The following HEG1 variants were observed in gnomAD, a reference collection of about 807,000 sequenced individuals.
HEG1 encodes the protein heart development protein with EGF like domains 1, also known as protein HEG homolog 1.
In HEG1, 56 loss-of-function variants were observed where a neutral mutation model predicts 125.6. The ratio of observed to expected loss-of-function variants is 0.45; its 90% confidence interval spans 0.36 to 0.56. The LOEUF (loss-of-function observed/expected upper bound fraction) is 0.56. Ranked by LOEUF, HEG1 falls within the 20% of genes least tolerant of loss-of-function variation. The pLI is 0.00. For synonymous variants in HEG1, 644 were observed against 668.5 expected (o/e 0.96, Z 0.57); for missense variants, 1,523 against 1,670.0 (o/e 0.91, Z 1.53).
chr3:125,009,972 G>A, intron 7 of HEG1, 148 bp from the exon 8 acceptor site: 1 of 759,144 alleles, frequency 1.3e-6, no homozygotes, highest in Admixed American at 3.4e-5. Context: ...TGCCCTCAAG[G>A]GGCTTGCCAT....
Position 125,020,920 on chromosome 3 carries a change from G to A in HEG1, c.1124C>T (p.Ser375Leu), listed in dbSNP as rs1937325393. 1 of 1,614,038 alleles carries A rather than the reference G, an allele frequency of 6.2e-7. No homozygotes were observed. The highest frequency in any genetic ancestry group is 8.5e-7 in the Non-Finnish European group (1 of 1,179,894). The change falls in exon 4 of 17, where the codon TCA becomes TTA. Residue 375 changes from serine to leucine, a missense_variant. Ser to Leu is a moderately radical substitution (Grantham distance 145, BLOSUM62 -2). Coordinates refer to ENST00000311127, the MANE Select transcript of HEG1 (RefSeq NM_020733.2). ...IATTSSSVLL[S>L]PSAVESRRNS... is the part of the protein sequence containing the mutation. ...TCTTCTCGATTCCACTGCAGAGGGT[G>A]AAAGAAGGACTGAGGATGAAGTCGT...
Position 124,977,841 on chromosome 3 carries a change from T to G in HEG1, c.3821+18A>C, listed in dbSNP as rs1339356143. The G allele has an allele frequency of 6.5e-7, 1 of 1,528,548 alleles. No homozygotes were observed. 94.7% of individuals were successfully genotyped at this position (1,528,548 alleles called of 1,614,324 possible). On this transcript the variant is annotated intron_variant, in intron 15 of 16. Coordinates refer to ENST00000311127, the MANE Select transcript of HEG1 (RefSeq NM_020733.2). ...CAGGCAAAGGAACGGGATTGGAACC[T>G]GAACTCTCATCACTTACCTGCAACA...
chr3:124,999,358 G>T (rs912313595), intron 11 of HEG1, among the ~76,000 whole-genome samples: 8 of 152,224 alleles, frequency 5.3e-5, no homozygotes, highest in African/African-American at 1.7e-4. Context: ...CACCAGGGAG[G>T]TAATGAACTT....
intron 8 of HEG1, among the ~76,000 whole-genome samples, chr3:125,008,981 C>A (rs1937112701): frequency 6.6e-6 from 1 of 152,222 alleles, no homozygotes; most frequent in African/African-American, 2.4e-5. Flanking sequence ...ACCAGGCTTC[C>A]CACCAACCCG....
intron 1 of HEG1, among the ~76,000 whole-genome samples, chr3:125,044,918 A>G (rs1040607116): frequency 6.6e-6 from 1 of 152,172 alleles, no homozygotes; most frequent in Non-Finnish European, 1.5e-5. Context: ...TCACTGTCCA[A>G]ATGGAATTCA....
At chr3:124,978,442 C>T (rs555308446) in intron 14 of HEG1, among the ~76,000 whole-genome samples, 27 of 152,274 alleles carry the variant, frequency 1.8e-4, no homozygotes, top group South Asian at 4.1e-4. Flanking sequence ...CCACCGCGCC[C>T]GGCCGAAAAG....
In HEG1 at chr3:125,055,769, G is replaced by A. The variant is rs1014301796; in HGVS notation, c.122C>T (p.Ala41Val). Residue 41 changes from alanine (A) to valine (V), a missense_variant, in exon 1 of 17, where the codon GCG (alanine) becomes GTG (valine). Ala to Val is a moderately conservative substitution (Grantham distance 64). Coordinates refer to ENST00000311127, the MANE Select transcript of HEG1 (RefSeq NM_020733.2). ...TCCCGCGAGGGGCGCCAGGCTCAGC[G>A]CGCGGCGAGCCGGGGAAGGCGGCGG... is the stretch of plus-strand genomic sequence containing the variant. ...RDPPPSPARRALSLAPLAGAG... is the reference protein window; with the variant it reads ...RDPPPSPARRVLSLAPLAGAG... The A allele has an allele frequency of 3.7e-5, 37 of 999,872 alleles. No homozygotes were observed. The African/African-American group carries it at 6.3e-4, about 17-fold the overall frequency. 61.9% of individuals were successfully genotyped at this position (999,872 alleles called of 1,614,324 possible).
At chr3:124,991,761 G>A (rs539336366) in intron 12 of HEG1, among the ~76,000 whole-genome samples, 192 of 152,266 alleles carry the variant, frequency 1.3e-3, no homozygotes, top group African/African-American at 4.3e-3. Flanking sequence ...ACAGGGGCCC[G>A]CCACAAAGCC....
At position 124,981,115 on chromosome 3, in the gene HEG1, A is replaced by C. The variant is rs529452011; in HGVS notation, c.3734-3169T>G. Among the ~76,000 whole-genome samples, 5 of 152,262 alleles carry C rather than the reference A, an allele frequency of 3.3e-5. No homozygotes were observed. The South Asian group carries it at 1.0e-3, about 32-fold the overall frequency. ...TGGCCTCCCAAAGTGCTGGGATTAC[A>C]GGTGTGAGCCACTGCGCCCAACCTG... On this transcript the variant is annotated intron_variant, in intron 14 of 16. Coordinates refer to ENST00000311127, the MANE Select transcript of HEG1 (RefSeq NM_020733.2).
At chr3:124,984,311 C>G (rs1560016673) in intron 14 of HEG1, among the ~76,000 whole-genome samples, 2 of 152,106 alleles carry the variant, frequency 1.3e-5, no homozygotes, top group Admixed American at 6.6e-5. Flanking sequence ...GGGGTCTCCT[C>G]TGAAGAGGTG....
At chr3:125,002,396 T>C (rs1417999786) in intron 9 of HEG1, 81 bp from the exon 10 acceptor site, 5 of 1,256,500 alleles carry the variant, frequency 4.0e-6, no homozygotes, top group East Asian at 2.3e-5. Flanking sequence ...ATTTTCAGGA[T>C]AAAACAGGCA....
At chr3:125,021,262 A>G in intron 3 of HEG1, 132 bp from the exon 4 acceptor site, 1 of 671,982 alleles carries the variant, frequency 1.5e-6, no homozygotes. Context: ...TATAGATACA[A>G]ACATATCTAT....
intron 5 of HEG1, chr3:125,014,861 G>T: frequency 7.8e-7 from 1 of 1,289,876 alleles, no homozygotes; most frequent in South Asian, 1.2e-5. Flanking sequence ...TGCTGGTGTT[G>T]GTGAGGGTGA....
At position 125,055,806 on chromosome 3, in the gene HEG1, C is replaced by T. The variant is rs1470305508; in HGVS notation, c.85G>A (p.Gly29Arg). ...GGGGAAGGCGGCGGGTCCCGCGTCC[C>T]GGGGGCCGCCGGCGGCAGCAGCAGC... is the stretch of plus-strand genomic sequence containing the variant. ...PLLLLPPAAP[G>R]TRDPPPSPAR... Residue 29 changes from glycine (G) to arginine (R), a missense_variant, in exon 1 of 17, where the codon GGG (glycine) becomes AGG (arginine). Coordinates refer to ENST00000311127, the MANE Select transcript of HEG1 (RefSeq NM_020733.2). The T allele has an allele frequency of 6.1e-6, 6 of 982,966 alleles. No individual in the cohort carries two copies. The highest frequency in any genetic ancestry group is 7.2e-6 in the Non-Finnish European group (6 of 829,088). 60.9% of individuals were successfully genotyped at this position (982,966 alleles called of 1,614,324 possible). A position where few individuals can be genotyped will look rare whatever the true frequency, so the allele number is the denominator to read the frequency against.
rs1936348605 is a variant in HEG1, at chr3:124,967,995, T to G, written c.*2657A>C. The G allele has an allele frequency of 6.6e-6, 1 of 152,278 alleles. No homozygotes were observed. The highest frequency in any genetic ancestry group is 2.1e-4 in the South Asian group (1 of 4,828). 9.4% of individuals were successfully genotyped at this position (152,278 alleles called of 1,614,324 possible). A position where few individuals can be genotyped will look rare whatever the true frequency, so the allele number is the denominator to read the frequency against. On this transcript the variant is annotated 3_prime_UTR_variant, in exon 17 of 17. Transcript: ENST00000311127. ...CAGATGCCCCTGCGCCCGGCTCCTC[T>G]CTATGGAGGTTTAAGCATCTCTTGA...
chr3:125,003,178 G>A (rs1051823284), intron 9 of HEG1, among the ~76,000 whole-genome samples: 11 of 152,234 alleles, frequency 7.2e-5, no homozygotes, highest in Admixed American at 4.6e-4. Context: ...AGAACACCTC[G>A]GGAAAGAACA....
chr3:124,974,210 C>T lies in HEG1; in HGVS notation c.3822-305G>A, dbSNP rs77496874. ...AGACTCTTCTACAGGACAGAGATCA[C>T]TGTGTCTTGGGGGTGGCCAGGAAAA... On this transcript the variant is annotated intron_variant, in intron 15 of 16. Coordinates refer to ENST00000311127, the MANE Select transcript of HEG1 (RefSeq NM_020733.2). Among the ~76,000 whole-genome samples the T allele has an allele frequency of 3.0e-4, 46 of 152,162 alleles. No individual in the cohort carries two copies. In the East Asian group the frequency reaches 8.7e-3, roughly 29 times the overall value.
Position 125,012,534 on chromosome 3 carries a change from AC to A in HEG1, c.2956+88del, listed in dbSNP as rs1937170592. 6 of 1,298,132 alleles carry A rather than the reference AC, an allele frequency of 4.6e-6. No homozygotes were observed. In the South Asian group the frequency reaches 9.2e-5, roughly 20 times the overall value. The allele number at this position is 1,298,132 out of a possible 1,614,324, so 80.4% of individuals were successfully genotyped here. Reference sequence around the variant, plus strand: ...GCTATTTCAAATGCCAGCCATTTCTACAAATTCACATGAACCCCGAGCCCCA... The same window carrying A: ...GCTATTTCAAATGCCAGCCATTTCTAAAATTCACATGAACCCCGAGCCCCA... On this transcript the variant is annotated intron_variant, in intron 6 of 16. Coordinates refer to ENST00000311127, the MANE Select transcript of HEG1 (RefSeq NM_020733.2).
chr3:124,975,525 T>C (rs564574427), intron 15 of HEG1, among the ~76,000 whole-genome samples: 199 of 152,368 alleles, frequency 1.3e-3, no homozygotes, highest in African/African-American at 4.4e-3. Flanking sequence ...TTTCTGTACA[T>C]AGCTTTACTG....
Sources: gnomAD v4.1 joint callset for allele counts (sites outside exome capture counted in the v4.1 genomes callset) on GRCh38, gnomAD v4.1.1 for gene constraint, MANE v1.5 for transcripts, NCBI Gene and HGNC (gene_info 2026-07-23, HGNC 2026-07-21) for gene names.